The following ZFPM2 variants were observed in gnomAD, a reference collection of about 807,000 sequenced individuals.
The protein encoded by ZFPM2 is zinc finger protein ZFPM2.
Under a neutral mutation model 98.6 loss-of-function variants are expected in ZFPM2, and 20 were observed. The ratio of observed to expected loss-of-function variants is 0.20; its 90% CI spans 0.14 to 0.29. The LOEUF is 0.29. Ranked by LOEUF, ZFPM2 falls within the 10% of genes least tolerant of loss-of-function variation. The pLI is 1.00. For synonymous variants in ZFPM2, 518 were observed against 502.7 expected (o/e 1.03, Z -0.41); for missense variants, 1,310 against 1,388.6 (o/e 0.94, Z 0.90).
chr8:105,795,246 TTGTGTG>T (rs780534248), intron 6 of ZFPM2, among the ~76,000 whole-genome samples: 2,578 of 138,300 alleles, frequency 0.019, 81 homozygotes, highest in African/African-American at 0.065. Flanking sequence ...CATTTTATCT[TTGTGTG>T]TGTGTGTGTG....
In ZFPM2 at chr8:105,544,771, G is replaced by A. The variant is rs140739285; in HGVS notation, c.302-16592G>A. Among the ~76,000 whole-genome samples the A allele has an allele frequency of 3.6e-3, 555 of 152,290 alleles. 2 individuals carry two copies. Among genetic ancestry groups the A allele is most frequent in the African/African-American group, 0.013 (541 of 41,570 alleles). ...ATGCAAGATGATTACAGGGCCAGAA[G>A]CAAAGGTGATGCTCATTACATGTTT... On this transcript the variant is annotated intron_variant, in intron 3 of 7. Coordinates refer to ENST00000407775, the MANE Select transcript of ZFPM2 (RefSeq NM_012082.4).
intron 4 of ZFPM2, among the ~76,000 whole-genome samples, chr8:105,567,540 A>G (rs1234777985): frequency 1.3e-5 from 2 of 151,864 alleles, no homozygotes; most frequent in Admixed American, 6.6e-5. Flanking sequence ...CTTCGCCACA[A>G]CCTTACTGGA....
At chr8:105,498,027 C>CAAAA (rs1195802124) in intron 3 of ZFPM2, among the ~76,000 whole-genome samples, 56 of 61,906 alleles carry the variant, frequency 9.0e-4, no homozygotes, top group African/African-American at 2.7e-3. Flanking sequence ...CCGTCTCTAC[C>CAAAA]AAAAAAAAAA....
At chr8:105,326,269 C>T (rs1160979765) in intron 1 of ZFPM2, among the ~76,000 whole-genome samples, 1 of 151,620 alleles carries the variant, frequency 6.6e-6, no homozygotes, top group Non-Finnish European at 1.5e-5. Context: ...TGCAGCTATT[C>T]CTCAGATATG....
At chr8:105,509,241 T>C (rs1813764547) in intron 3 of ZFPM2, among the ~76,000 whole-genome samples, 1 of 152,110 alleles carries the variant, frequency 6.6e-6, no homozygotes, top group Admixed American at 6.5e-5. Context: ...GTCTGAGAAA[T>C]AGAAATGTTT....
In ZFPM2 at chr8:105,369,822, T is replaced by C. The variant is rs146411736; in HGVS notation, c.41-49322T>C. The stretch of plus-strand genomic sequence containing the variant: ...TGTAAACTACTTCATTGTGTGCTTA[T>C]GGGTGCAGTGAGAGTGATTTCAAGA... On this transcript the variant is annotated intron_variant, in intron 1 of 7. Coordinates refer to ENST00000407775, the MANE Select transcript of ZFPM2 (RefSeq NM_012082.4). Among the ~76,000 whole-genome samples, 690 of 152,266 alleles carry C rather than the reference T, an allele frequency of 4.5e-3. 5 individuals carry two copies. Among genetic ancestry groups the C allele is most frequent in the African/African-American group, 0.016 (663 of 41,570 alleles).
At chr8:105,775,266 T>G (rs532284413) in intron 5 of ZFPM2, among the ~76,000 whole-genome samples, 1 of 152,036 alleles carries the variant, frequency 6.6e-6, no homozygotes, top group South Asian at 2.1e-4. Flanking sequence ...CTTGTATAAT[T>G]TATTCCTCTG....
intron 5 of ZFPM2, among the ~76,000 whole-genome samples, chr8:105,661,520 A>G (rs957185286): frequency 2.7e-4 from 41 of 152,320 alleles, no homozygotes; most frequent in African/African-American, 9.6e-4. Context: ...ACCTGCCGAA[A>G]ATAAGGGAAT....
intron 3 of ZFPM2, among the ~76,000 whole-genome samples, chr8:105,453,469 A>AT (rs1157215477): frequency 6.6e-6 from 1 of 152,034 alleles, no homozygotes; most frequent in East Asian, 1.9e-4. Flanking sequence ...TTTTATTTTT[A>AT]TTTTTTATAC....
At chr8:105,568,635 C>T (rs1047683985) in intron 4 of ZFPM2, among the ~76,000 whole-genome samples, 3 of 152,140 alleles carry the variant, frequency 2.0e-5, no homozygotes, top group Admixed American at 6.5e-5. Context: ...AGCCCCACCG[C>T]TTCTCTCTTG....
intron 1 of ZFPM2, among the ~76,000 whole-genome samples, chr8:105,416,340 C>A (rs1441871348): frequency 6.6e-6 from 1 of 151,416 alleles, no homozygotes; most frequent in Non-Finnish European, 1.5e-5. Flanking sequence ...ATATTTAAAA[C>A]AATTATTCAT....
At chr8:105,534,341 A>C (rs1404124079) in intron 3 of ZFPM2, among the ~76,000 whole-genome samples, 106 of 60,766 alleles carry the variant, frequency 1.7e-3, no homozygotes, top group Admixed American at 2.0e-3. Context: ...TCACTCCCTC[A>C]CTCTCTCATC....
chr8:105,452,551 C>T lies in ZFPM2; in HGVS notation c.301+8170C>T, dbSNP rs148886648. ...TCTCTTGAGCCCAGAAGTTTGAGACCAACCTGGGCAATATTGTGTAACCCT... is the reference window on the plus strand; with the variant it reads ...TCTCTTGAGCCCAGAAGTTTGAGACTAACCTGGGCAATATTGTGTAACCCT... On this transcript the variant is annotated intron_variant, in intron 3 of 7. Coordinates refer to ENST00000407775, the MANE Select transcript of ZFPM2 (RefSeq NM_012082.4). Among the ~76,000 whole-genome samples the T allele has an allele frequency of 2.7e-3, 416 of 151,792 alleles. 4 individuals carry two copies. Among genetic ancestry groups the T allele is most frequent in the Admixed American group, 0.022 (336 of 15,240 alleles).
chr8:105,465,754 G>A (rs1812785902), intron 3 of ZFPM2, among the ~76,000 whole-genome samples: 1 of 151,900 alleles, frequency 6.6e-6, no homozygotes. Context: ...TACAATGGTA[G>A]TTTTAAGATT....
intron 5 of ZFPM2, among the ~76,000 whole-genome samples, chr8:105,643,181 C>T (rs539625145): frequency 6.6e-6 from 1 of 152,120 alleles, no homozygotes; most frequent in Admixed American, 6.6e-5. Context: ...CCAGGACTTA[C>T]GTGTCATGAA....
intron 4 of ZFPM2, among the ~76,000 whole-genome samples, chr8:105,562,849 G>A (rs144556121): frequency 6.6e-6 from 1 of 152,150 alleles, no homozygotes; most frequent in Non-Finnish European, 1.5e-5. Flanking sequence ...CCATGCAAAG[G>A]AATGTTCGCA....
At chr8:105,447,042 G>T (rs1304998835) in intron 3 of ZFPM2, among the ~76,000 whole-genome samples, 1 of 152,012 alleles carries the variant, frequency 6.6e-6, no homozygotes, top group Non-Finnish European at 1.5e-5. Flanking sequence ...TAGTCAGAGA[G>T]AAAATTGTGC....
intron 4 of ZFPM2, among the ~76,000 whole-genome samples, chr8:105,565,629 A>G (rs2130708748): frequency 6.6e-6 from 1 of 152,284 alleles, no homozygotes; most frequent in East Asian, 1.9e-4. Flanking sequence ...TAATAATAAT[A>G]CTGCCTAGCT....
chr8:105,676,995 C>T (rs949618788), intron 5 of ZFPM2, among the ~76,000 whole-genome samples: 1 of 151,882 alleles, frequency 6.6e-6, no homozygotes, highest in African/African-American at 2.4e-5. Context: ...ACTTTAAATA[C>T]AGAAAAAATA....
Sources: gnomAD v4.1 joint callset for allele counts (sites outside exome capture counted in the v4.1 genomes callset) on GRCh38, gnomAD v4.1.1 for gene constraint, MANE v1.5 for transcripts, NCBI Gene and HGNC (gene_info 2026-07-23, HGNC 2026-07-21) for gene names.